The following TTC39C variants were observed in gnomAD, a reference collection of about 807,000 sequenced individuals.
TTC39C encodes tetratricopeptide repeat protein 39C.
A neutral mutation model predicts 76.3 loss-of-function variants in TTC39C; 33 were observed. The ratio of observed to expected loss-of-function variants is 0.43; its 90% CI spans 0.33 to 0.58. The LOEUF is 0.58. Ranked by LOEUF, TTC39C falls within the 20% of genes least tolerant of loss-of-function variation. The pLI, the probability that TTC39C is intolerant of heterozygous loss-of-function variation, is 0.04. For synonymous variants in TTC39C, 254 were observed against 260.6 expected, an observed-to-expected ratio of 0.97 and a Z score of 0.24; for missense variants, 595 against 701.4, an observed-to-expected ratio of 0.85 and a Z score of 1.71.
intron 1 of TTC39C, among the ~76,000 whole-genome samples, chr18:24,061,736 GT>G (rs2084103998): frequency 6.6e-6 from 1 of 151,916 alleles, no homozygotes; most frequent in Non-Finnish European, 1.5e-5. Flanking sequence ...AACCCCGTCT[GT>G]ATTAAAAATA....
At chr18:24,064,863 C>T (rs1323229828) in intron 2 of TTC39C, among the ~76,000 whole-genome samples, 1 of 152,150 alleles carries the variant, frequency 6.6e-6, no homozygotes, top group Non-Finnish European at 1.5e-5. Context: ...TGGCAGTGCT[C>T]AACCACAGGT....
chr18:24,022,586 T>C (rs1290013848), intron 1 of TTC39C: 1 of 985,412 alleles, frequency 1.0e-6, no homozygotes, highest in African/African-American at 1.7e-5. Context: ...CAAAGCCATT[T>C]TGGGGCAAGT....
At chr18:24,111,443 C>T (rs2084808288) in intron 6 of TTC39C, among the ~76,000 whole-genome samples, 1 of 151,852 alleles carries the variant, frequency 6.6e-6, no homozygotes, top group Admixed American at 6.6e-5. Flanking sequence ...GTGGCACATG[C>T]CTGTAGTCCC....
At chr18:24,011,751 A>AG (rs1295014841), upstream of TTC39C, among the ~76,000 whole-genome samples, 1 of 152,222 alleles carries the variant, frequency 6.6e-6, no homozygotes, top group Non-Finnish European at 1.5e-5. Flanking sequence ...CACTGCAGAA[A>AG]GGAAGTGGGT....
chr18:24,079,806 C>CTT (rs34238141), intron 4 of TTC39C, among the ~76,000 whole-genome samples: 2,960 of 140,392 alleles, frequency 0.021, 115 homozygotes, highest in African/African-American at 0.066. Context: ...TTTTTTCTTT[C>CTT]TTTTTTTTTT....
chr18:24,047,493 ACTT>A (rs1479140148), intron 1 of TTC39C, among the ~76,000 whole-genome samples: 2 of 152,138 alleles, frequency 1.3e-5, no homozygotes, highest in East Asian at 1.9e-4. Flanking sequence ...ATTTAATAGC[ACTT>A]CTTCTCAAAA....
chr18:24,132,491 T>G lies in TTC39C; in HGVS notation c.1669T>G (p.Phe557Val), dbSNP rs752539455. ...RALLLQAKEDFSGYDFENRLH... is the reference protein window; with the variant it reads ...RALLLQAKEDVSGYDFENRLH... Reference sequence around the variant, plus strand: ...TCTTTCTTTGATCTTACAGGAGGATTTCTCTGGCTACGACTTTGAAAACAG... The same window carrying G: ...TCTTTCTTTGATCTTACAGGAGGATGTCTCTGGCTACGACTTTGAAAACAG... Residue 557 changes from phenylalanine (F) to valine (V), a missense_variant, in exon 14 of 14, where the codon TTC (phenylalanine) becomes GTC (valine). Coordinates refer to ENST00000317571, the MANE Select transcript of TTC39C (RefSeq NM_001135993.2). 3.7e-6 allele frequency: 6 copies of G among 1,613,880 alleles called. No individual in the cohort carries two copies. Among genetic ancestry groups the G allele is most frequent in the Non-Finnish European group, 5.1e-6 (6 of 1,179,952 alleles).
At chr18:24,094,756 T>C (rs1424537000) in intron 6 of TTC39C, among the ~76,000 whole-genome samples, 1 of 152,220 alleles carries the variant, frequency 6.6e-6, no homozygotes, top group East Asian at 1.9e-4. Flanking sequence ...GAGTAAACCA[T>C]ATTATAAACA....
intron 1 of TTC39C, among the ~76,000 whole-genome samples, chr18:24,023,990 A>ACG (rs1355865140): frequency 4.7e-4 from 2 of 4,282 alleles, no homozygotes; most frequent in Admixed American, 3.0e-3. Flanking sequence ...ACATATATAT[A>ACG]TATATATATA....
chr18:24,131,842 A>C (rs778863298), intron 12 of TTC39C, 40 bp from the exon 13 acceptor site: 3 of 1,594,034 alleles, frequency 1.9e-6, no homozygotes, highest in Admixed American at 3.5e-5. Flanking sequence ...CTGCGTATAT[A>C]TAAACACAGA....
intron 1 of TTC39C, among the ~76,000 whole-genome samples, chr18:24,008,663 C>T (rs139373140): frequency 4.8e-4 from 73 of 152,298 alleles, no homozygotes; most frequent in African/African-American, 1.7e-3. Flanking sequence ...CTATTCGACC[C>T]AGCATTCCCA....
intron 1 of TTC39C, among the ~76,000 whole-genome samples, chr18:24,042,304 G>A (rs573322386): frequency 1.3e-5 from 2 of 152,268 alleles, no homozygotes; most frequent in East Asian, 3.9e-4. Flanking sequence ...TTTTCTAAGG[G>A]TGTGGGAGAT....
chr18:24,117,711 GAA>G (rs5823411), intron 7 of TTC39C, among the ~76,000 whole-genome samples: 170 of 114,908 alleles, frequency 1.5e-3, no homozygotes, highest in African/African-American at 4.6e-3. Flanking sequence ...CAAAAAAAAA[GAA>G]AAAAAAAAAA....
chr18:24,115,382 A>C (rs1015058264), intron 7 of TTC39C, among the ~76,000 whole-genome samples: 2 of 152,262 alleles, frequency 1.3e-5, no homozygotes, highest in African/African-American at 4.8e-5. Context: ...TGCTGGGAAG[A>C]GTAAACACAA....
chr18:24,073,934 C>G (rs912742196), intron 4 of TTC39C, among the ~76,000 whole-genome samples: 1 of 152,218 alleles, frequency 6.6e-6, no homozygotes, highest in Non-Finnish European at 1.5e-5. Context: ...AGGCTACATA[C>G]CCCTTGAGGG....
upstream of TTC39C, among the ~76,000 whole-genome samples, chr18:24,013,335 G>A (rs1274149606): frequency 6.6e-6 from 1 of 152,030 alleles, no homozygotes; most frequent in Non-Finnish European, 1.5e-5. Flanking sequence ...CTTAAGGAGT[G>A]GCAGTAATTC....
chr18:24,064,283 A>G (rs986895753), intron 2 of TTC39C, 95 bp downstream of exon 2: 2 of 1,420,320 alleles, frequency 1.4e-6, no homozygotes, highest in African/African-American at 2.9e-5. Context: ...ACACTATTGT[A>G]GAAAGTCTTT....
intron 1 of TTC39C, chr18:24,020,180 A>G: frequency 8.5e-7 from 1 of 1,171,640 alleles, no homozygotes; most frequent in Non-Finnish European, 1.1e-6. Context: ...TCATCTGTTG[A>G]CTTTTTCCAT....
rs568053899 is a variant in TTC39C at position 24,130,333 on chromosome 18, A to C, written c.1539A>C (p.Lys513Asn). Residue 513 changes from lysine (K) to asparagine (N), a missense_variant, in exon 12 of 14, where the codon AAA (lysine) becomes AAC (asparagine). Coordinates refer to ENST00000317571, the MANE Select transcript of TTC39C (RefSeq NM_001135993.2). The stretch of plus-strand genomic sequence containing the variant: ...TTCAGTACTTCCAGCGAGCTGTTAA[A>C]GATGAATTGTGTCGTCAGAATAACT... ...DAVQYFQRAVKDELCRQNNLY... is the reference protein window; with the variant it reads ...DAVQYFQRAVNDELCRQNNLY... The C allele has an allele frequency of 1.9e-6, 3 of 1,586,814 alleles. No homozygotes were observed. The African/African-American group carries it at 4.1e-5, about 22-fold the overall frequency.
Sources: gnomAD v4.1 joint callset for allele counts (sites outside exome capture counted in the v4.1 genomes callset) on GRCh38, gnomAD v4.1.1 for gene constraint, MANE v1.5 for transcripts, NCBI Gene and HGNC (gene_info 2026-07-23, HGNC 2026-07-21) for gene names.